XIRP1: variants seen among roughly 807,000 people sequenced by gnomAD.
The protein encoded by XIRP1 is xin actin binding repeat containing 1.
For synonymous variants in XIRP1, 984 were observed against 947.0 expected (o/e 1.04, Z -0.72); for missense variants, 2,378 against 2,345.4 (o/e 1.01, Z -0.29).
In XIRP1 at chr3:39,188,436, G is replaced by A. The variant is rs1559752523; in HGVS notation, c.1010C>T (p.Pro337Leu). 1 of 1,606,084 alleles carries A rather than the reference G, an allele frequency of 6.2e-7. No homozygotes were observed. The highest frequency in any genetic ancestry group is 1.3e-5 in the African/African-American group (1 of 74,704). The change falls in exon 2 of 2, where the codon CCA (proline) becomes CTA (leucine). Residue 337 changes from proline (P) to leucine (L), a missense_variant. By Grantham distance (98) the Pro-to-Leu change is moderately conservative. Transcript: ENST00000340369. ...KDFQPSPDLI[P>L]PGPDVQQQQH... ...CTGCTGCTGAACATCTGGACCAGGT[G>A]GGATAAGGTCTGGGGATGGCTGGAA... is the stretch of plus-strand genomic sequence containing the variant.
Position 39,185,861 on chromosome 3 carries a change from C to T in XIRP1, c.3585G>A (p.Glu1195=), listed in dbSNP as rs1303172932. The T allele has an allele frequency of 1.2e-6, 2 of 1,613,448 alleles. No homozygotes were observed. The highest frequency in any genetic ancestry group is 1.7e-6 in the Non-Finnish European group (2 of 1,179,814). Residue 1195 remains glutamate (E), a synonymous_variant, in exon 2 of 2, where the codon GAG becomes GAA. Coordinates refer to ENST00000340369, the MANE Select transcript of XIRP1 (RefSeq NM_194293.4). The part of the protein sequence containing the change: ...PGQSTGPGRE[E]PGGCTQMAWG... ...AGGCCATCTGTGTGCAGCCCCCAGG[C>T]TCCTCCCGCCCTGGCCCAGTACTCT...
In XIRP1 at chr3:39,186,653, G is replaced by A. The variant is rs137884641; in HGVS notation, c.2793C>T (p.Ser931=). 55 of 1,613,178 alleles carry A rather than the reference G, an allele frequency of 3.4e-5. No homozygotes were observed. The African/African-American group carries it at 6.7e-4, about 20-fold the overall frequency. Reference sequence around the variant, plus strand: ...CACTCAGGTCTCCTTTATCTATGCAGCTGGCCAACAGCTGCACGCTGCTCC... The same window carrying A: ...CACTCAGGTCTCCTTTATCTATGCAACTGGCCAACAGCTGCACGCTGCTCC... ...SERSSVQLLA[S]CIDKGDLSGL... is the part of the protein sequence containing the mutation. The change falls in exon 2 of 2, where the codon AGC becomes AGT. Residue 931 remains serine, a synonymous_variant. Transcript: ENST00000340369.
chr3:39,187,165 T>G lies in XIRP1; in HGVS notation c.2281A>C (p.Asn761His). 1 of 1,607,072 alleles carries G rather than the reference T, an allele frequency of 6.2e-7. No homozygotes were observed. The highest frequency in any genetic ancestry group is 1.7e-5 in the Admixed American group (1 of 59,862). ...LEEQPMSPSG[N>H]RMQESQETAA... ...GTCTCCTGGCTCTCTTGCATCCTGT[T>G]GCCTGAGGGGCTCATGGGCTGCTCT... The change falls in exon 2 of 2, where the codon AAC becomes CAC. Residue 761 changes from asparagine (N) to histidine (H), a missense_variant. Physicochemically the swap from Asn to His is moderately conservative, Grantham distance 68. Coordinates refer to ENST00000340369, the MANE Select transcript of XIRP1 (RefSeq NM_194293.4).
rs757192826 is a variant in XIRP1, at chr3:39,185,671, T to G, written c.3775A>C (p.Thr1259Pro). The G allele has an allele frequency of 6.2e-6, 10 of 1,610,066 alleles. No individual in the cohort carries two copies. The highest frequency in any genetic ancestry group is 8.5e-6 in the Non-Finnish European group (10 of 1,178,694). ...PHNAFVPPPP[T>P]LPAAVTGPDF... ...GGTCCTGTCACAGCAGCTGGGAGAG[T>G]AGGAGGAGGAGGAACAAAGGCATTA... The change falls in exon 2 of 2, where the codon ACT (threonine) becomes CCT (proline). Residue 1259 changes from threonine to proline, a missense_variant. Thr to Pro is a conservative substitution (Grantham distance 38). Coordinates refer to ENST00000340369, the MANE Select transcript of XIRP1 (RefSeq NM_194293.4).
At position 39,186,656 on chromosome 3, in the gene XIRP1, G is replaced by T; in HGVS notation, c.2790C>A (p.Ala930=). The T allele has an allele frequency of 6.2e-7, 1 of 1,613,372 alleles. No individual in the cohort carries two copies. ...TCAGGTCTCCTTTATCTATGCAGCT[G>T]GCCAACAGCTGCACGCTGCTCCTCT... The part of the protein sequence containing the change: ...ASERSSVQLL[A]SCIDKGDLSG... The change falls in exon 2 of 2, where the codon GCC becomes GCA. Residue 930 remains alanine (A), a synonymous_variant. Coordinates refer to ENST00000340369, the MANE Select transcript of XIRP1 (RefSeq NM_194293.4).
chr3:39,185,435 G>T lies in XIRP1; in HGVS notation c.4011C>A (p.His1337Gln), dbSNP rs368363527. Residue 1337 changes from histidine (H) to glutamine (Q), a missense_variant, in exon 2 of 2, where the codon CAC (histidine) becomes CAA (glutamine). Coordinates refer to ENST00000340369, the MANE Select transcript of XIRP1 (RefSeq NM_194293.4). Reference sequence around the variant, plus strand: ...AGGGCTTGGGCAGCCTCTGAGGAGGGTGGCTCTGGGTTAGGTGTGCAGGTT... The same window carrying T: ...AGGGCTTGGGCAGCCTCTGAGGAGGTTGGCTCTGGGTTAGGTGTGCAGGTT... ...PPKPAHLTQS[H>Q]PPQRLPKPLP... 4.4e-6 allele frequency: 7 copies of T among 1,609,086 alleles called. 1 individual carries two copies. In the South Asian group the frequency reaches 7.8e-5, roughly 18 times the overall value.
rs755044763 is a variant in XIRP1, at chr3:39,185,762, A to C, written c.3684T>G (p.Thr1228=). Residue 1228 remains threonine, a synonymous_variant, in exon 2 of 2, where the codon ACT becomes ACG. Coordinates refer to ENST00000340369, the MANE Select transcript of XIRP1 (RefSeq NM_194293.4). ...GLQAAETTLK[T]APLGRHILAS... is the part of the protein sequence containing the mutation. The stretch of plus-strand genomic sequence containing the variant: ...CCAGAATGTGGCGGCCTAGAGGGGC[A>C]GTCTTCAGGGTGGTCTCTGCAGCTT... The C allele has an allele frequency of 3.7e-6, 6 of 1,608,418 alleles. No individual in the cohort carries two copies. In the East Asian group the frequency reaches 8.9e-5, roughly 24 times the overall value.
rs2039911661 is a variant in XIRP1, at chr3:39,184,003, G to A, written c.5443C>T (p.Leu1815=). Residue 1815 remains leucine (L), a synonymous_variant, in exon 2 of 2, where the codon CTG becomes TTG. Transcript: ENST00000340369. ...LHASPLLRQF[L]HSPAGFSSDL... Reference sequence around the variant, plus strand: ...CTGCTGAACCCAGCTGGGCTGTGCAGGAACTGCCTCAGCAAGGGGGAGGCG... The same window carrying A: ...CTGCTGAACCCAGCTGGGCTGTGCAAGAACTGCCTCAGCAAGGGGGAGGCG... The A allele has an allele frequency of 1.2e-6, 2 of 1,613,000 alleles. No individual in the cohort carries two copies. Among genetic ancestry groups the A allele is most frequent in the East Asian group, 4.5e-5 (2 of 44,884 alleles).
In XIRP1 at chr3:39,185,292, A is replaced by T. The variant is rs758339984; in HGVS notation, c.4154T>A (p.Ile1385Lys). Residue 1385 changes from isoleucine to lysine, a missense_variant, in exon 2 of 2, where the codon ATA becomes AAA. By Grantham distance (102) the Ile-to-Lys change is moderately radical (BLOSUM62 -3). Coordinates refer to ENST00000340369, the MANE Select transcript of XIRP1 (RefSeq NM_194293.4). ...TCCACTGGGACATCTGGCCAGAGGT[A>T]TGTGGCCCTGGTCTACAGTAGTGGG... ...KVPTTVDQGHIPLARCPSGHS... is the reference protein window; with the variant it reads ...KVPTTVDQGHKPLARCPSGHS... 6.2e-7 allele frequency: 1 copy of T among 1,613,988 alleles called. No homozygotes were observed. The highest frequency in any genetic ancestry group is 8.5e-7 in the Non-Finnish European group (1 of 1,180,018).
rs551124625 is a variant in XIRP1 at position 39,185,474 on chromosome 3, C to T, written c.3972G>A (p.Pro1324=). Residue 1324 remains proline, a synonymous_variant, in exon 2 of 2, where the codon CCG becomes CCA. Transcript: ENST00000340369. ...LDPTMPPKKK[P]QLPPKPAHLT... Reference sequence around the variant, plus strand: ...GGTGTGCAGGTTTAGGGGGCAGCTGCGGCTTCTTCTTTGGGGGCATGGTGG... The same window carrying T: ...GGTGTGCAGGTTTAGGGGGCAGCTGTGGCTTCTTCTTTGGGGGCATGGTGG... 3.9e-5 allele frequency: 62 copies of T among 1,571,896 alleles called. 1 individual carries two copies. Among genetic ancestry groups the T allele is most frequent in the South Asian group, 8.3e-5 (7 of 83,992 alleles).
intron 1 of XIRP1, among the ~76,000 whole-genome samples, chr3:39,189,876 G>A (rs571111491): frequency 5.3e-5 from 8 of 152,330 alleles, no homozygotes; most frequent in African/African-American, 1.7e-4. Flanking sequence ...TGCCAGGGGA[G>A]TGGCCTGGGG....
In XIRP1 at chr3:39,188,584, C is replaced by A. The variant is rs144178915; in HGVS notation, c.862G>T (p.Val288Leu). 60 of 1,613,562 alleles carry A rather than the reference C, an allele frequency of 3.7e-5. No individual in the cohort carries two copies. Among genetic ancestry groups the A allele is most frequent in the Non-Finnish European group, 5.0e-5 (59 of 1,179,762 alleles). ...AGGGAAATCCCCCGGATCACCCGCA[C>A]CTGGCTGGGGTCCTGGTTGATGGCG... is the stretch of plus-strand genomic sequence containing the variant. ...LDAINQDPSQ[V>L]RVIRGISLEE... The change falls in exon 2 of 2, where the codon GTG becomes TTG. Residue 288 changes from valine (V) to leucine (L), a missense_variant. Coordinates refer to ENST00000340369, the MANE Select transcript of XIRP1 (RefSeq NM_194293.4).
In XIRP1 at chr3:39,184,029, T is replaced by C. The variant is rs1305593350; in HGVS notation, c.5417A>G (p.His1806Arg). ...GAACTGCCTCAGCAAGGGGGAGGCG[T>C]GGAGCCCGAGGTGGGAGCCTGGGTT... ...PRNPGSHLGL[H>R]ASPLLRQFLH... The change falls in exon 2 of 2, where the codon CAC (histidine) becomes CGC (arginine). Residue 1806 changes from histidine (H) to arginine (R), a missense_variant. Physicochemically the swap from His to Arg is conservative, Grantham distance 29 (BLOSUM62 0). Coordinates refer to ENST00000340369, the MANE Select transcript of XIRP1 (RefSeq NM_194293.4). The C allele has an allele frequency of 6.2e-7, 1 of 1,612,736 alleles. No individual in the cohort carries two copies. The highest frequency in any genetic ancestry group is 1.3e-5 in the African/African-American group (1 of 74,890).
rs1310869457 is a variant in XIRP1 at position 39,185,297 on chromosome 3, G to A, written c.4149C>T (p.Gly1383=). The A allele has an allele frequency of 1.2e-6, 2 of 1,614,244 alleles. No homozygotes were observed. Among genetic ancestry groups the A allele is most frequent in the Non-Finnish European group, 1.7e-6 (2 of 1,180,040 alleles). ...TGGGACATCTGGCCAGAGGTATGTG[G>A]CCCTGGTCTACAGTAGTGGGAACCT... The part of the protein sequence containing the change: ...PAKVPTTVDQ[G]HIPLARCPSG... Residue 1383 remains glycine, a synonymous_variant, in exon 2 of 2, where the codon GGC becomes GGT. Transcript: ENST00000340369.
At position 39,188,968 on chromosome 3, in the gene XIRP1, A is replaced by C; in HGVS notation, c.478T>G (p.Phe160Val). ...AGCTCGTCCAGTGGCTTTGTCTCAA[A>C]TAGCCAGCGGGCTGCACGAACGTCT... The part of the protein sequence containing the change: ...GGDVRAARWL[F>V]ETKPLDELTG... The change falls in exon 2 of 2, where the codon TTT becomes GTT. Residue 160 changes from phenylalanine to valine, a missense_variant. By Grantham distance (50) the Phe-to-Val change is conservative. Transcript: ENST00000340369. 1 of 1,613,758 alleles carries C rather than the reference A, an allele frequency of 6.2e-7. No homozygotes were observed. The highest frequency in any genetic ancestry group is 8.5e-7 in the Non-Finnish European group (1 of 1,179,994).
In XIRP1 at chr3:39,184,719, C is replaced by T; in HGVS notation, c.4727G>A (p.Gly1576Glu). The T allele has an allele frequency of 6.2e-7, 1 of 1,614,230 alleles. No homozygotes were observed. Among genetic ancestry groups the T allele is most frequent in the Non-Finnish European group, 8.5e-7 (1 of 1,180,038 alleles). The part of the protein sequence containing the change: ...PEASARGHFQ[G>E]PPKDHSAHKI... ...GTGGGCACTGTGGTCTTTTGGAGGT[C>T]CCTGGAAATGGCCTCTGGCACTGGC... is the stretch of plus-strand genomic sequence containing the variant. Residue 1576 changes from glycine (G) to glutamate (E), a missense_variant, in exon 2 of 2, where the codon GGA becomes GAA. Gly to Glu is a moderately conservative substitution (Grantham distance 98). Transcript: ENST00000340369.
At position 39,188,132 on chromosome 3, in the gene XIRP1, C is replaced by T. The variant is rs2040020249; in HGVS notation, c.1314G>A (p.Val438=). ...APQRDELKGD[V]KTFKNLFETL... Reference sequence around the variant, plus strand: ...TCTCAAAAAGGTTCTTAAAAGTCTTCACATCCCCCTTTAGCTCATCCCTCT... The same window carrying T: ...TCTCAAAAAGGTTCTTAAAAGTCTTTACATCCCCCTTTAGCTCATCCCTCT... Residue 438 remains valine (V), a synonymous_variant, in exon 2 of 2, where the codon GTG becomes GTA. Coordinates refer to ENST00000340369, the MANE Select transcript of XIRP1 (RefSeq NM_194293.4). 6.2e-7 allele frequency: 1 copy of T among 1,614,086 alleles called. No homozygotes were observed. Among genetic ancestry groups the T allele is most frequent in the Admixed American group, 1.7e-5 (1 of 60,018 alleles).
At position 39,189,542 on chromosome 3, in the gene XIRP1, TA is replaced by T. The variant is rs1231842284; in HGVS notation, c.-80-18del. ...GGCTGGATGCTGGGAGAAATGGTAG[TA>T]AACAGGGCTCAGAGTCAGAGTAGCT... On this transcript the variant is annotated intron_variant, in intron 1 of 1. Transcript: ENST00000340369. 6.7e-7 allele frequency: 1 copy of T among 1,501,232 alleles called. No individual in the cohort carries two copies. The allele number at this position is 1,501,232 out of a possible 1,614,324, so 93.0% of individuals were successfully genotyped here.
Position 39,186,445 on chromosome 3 carries a change from C to A in XIRP1, c.3001G>T (p.Ala1001Ser). Residue 1001 changes from alanine (A) to serine (S), a missense_variant, in exon 2 of 2, where the codon GCA becomes TCA. Transcript: ENST00000340369. ...TPCPPQAIGK[A>S]VPLAGEAAAP... ...GCAGCTTCCCCAGCCAGAGGGACTG[C>A]CTTTCCAATGGCCTGAGGAGGGCAA... 6.2e-7 allele frequency: 1 copy of A among 1,614,178 alleles called. No homozygotes were observed. Among genetic ancestry groups the A allele is most frequent in the Non-Finnish European group, 8.5e-7 (1 of 1,180,024 alleles).
Sources: allele counts gnomAD v4.1 joint callset (sites outside exome capture counted in the v4.1 genomes callset), GRCh38; gene constraint gnomAD v4.1.1; transcripts MANE v1.5; gene names NCBI Gene and HGNC (gene_info 2026-07-23, HGNC 2026-07-21).